FAAH2: variants seen among roughly 807,000 people sequenced by gnomAD.
The protein encoded by FAAH2 is fatty acid amide hydrolase 2, also known as fatty-acid amide hydrolase 2.
Under a neutral mutation model 36.9 loss-of-function variants are expected in FAAH2, and 60 were observed. That is an observed-to-expected ratio of 1.63 (90% CI 1.32 to 2.02). The LOEUF (loss-of-function observed/expected upper bound fraction) is 2.02, where lower values mean the gene tolerates loss of function less well. Ranked by LOEUF, FAAH2 falls within the 30% of genes most tolerant of loss-of-function variation. The probability of loss-of-function intolerance (pLI) is 0.00; values close to 1 mark genes in which losing one functional copy is unlikely to be tolerated. For synonymous variants in FAAH2, 214 were observed against 143.8 expected, an observed-to-expected ratio of 1.49 and a Z score of -3.49; for missense variants, 689 against 397.5, an observed-to-expected ratio of 1.73 and a Z score of -6.23.
chrX:57,362,078 T>C (rs1356235128), intron 5 of FAAH2, among the ~76,000 whole-genome samples: 3 of 111,583 alleles, frequency 2.7e-5, no homozygotes, highest in Non-Finnish European at 5.6e-5. Context: ...TCTTTGTTCT[T>C]GACCCTAGAG....
At chrX:57,214,610 G>A in the FAAH2 span, among the ~76,000 whole-genome samples, 1 of 110,652 alleles carries the variant, frequency 9.0e-6, no homozygotes, top group Non-Finnish European at 1.9e-5. Flanking sequence ...TGTATTTTTA[G>A]TAGAGACGGG....
At chrX:57,133,557 G>A in the FAAH2 span, among the ~76,000 whole-genome samples, 1 of 110,963 alleles carries the variant, frequency 9.0e-6, no homozygotes, top group African/African-American at 3.3e-5. Context: ...CCTACCTAAG[G>A]CCCAGCTGCA....
In FAAH2 at chrX:57,341,316, T is replaced by A. The variant is rs769621605; in HGVS notation, c.668T>A (p.Val223Glu). Residue 223 changes from valine to glutamate, a missense_variant, in exon 5 of 11, where the codon GTG becomes GAG. Coordinates refer to ENST00000374900, the MANE Select transcript of FAAH2 (RefSeq NM_174912.4). ...GCAGCTGCCTGCTCAGTTATTGGTG[T>A]GGGCTCTGATATTGGTGGTAGCATT... ...TLAAACSVIG[V>E]GSDIGGSIRM... 6.6e-6 allele frequency: 8 copies of A among 1,208,780 alleles called. No individual in the cohort carries two copies. The highest frequency in any genetic ancestry group is 2.3e-4 in the Middle Eastern group (1 of 4,365).
At chrX:57,387,461 A>T (rs1023509445) in intron 7 of FAAH2, among the ~76,000 whole-genome samples, 1 of 111,472 alleles carries the variant, frequency 9.0e-6, no homozygotes, top group African/African-American at 3.3e-5. Context: ...CAATAACCAG[A>T]TAAAAAGTAG....
the FAAH2 span, among the ~76,000 whole-genome samples, chrX:57,151,768 A>T: frequency 9.0e-5 from 10 of 111,540 alleles, no homozygotes; most frequent in African/African-American, 3.3e-4. Flanking sequence ...TGTCAAAGTC[A>T]TTCTCCGTCC....
At chrX:57,409,395 G>T (rs1248972080) in intron 7 of FAAH2, among the ~76,000 whole-genome samples, 18 of 111,251 alleles carry the variant, frequency 1.6e-4, no homozygotes, top group African/African-American at 5.8e-4. Context: ...TCAGGGTAAT[G>T]CTGGGCTTGT....
At chrX:57,460,068 C>G (rs1188377431) in intron 10 of FAAH2, among the ~76,000 whole-genome samples, 1 of 110,655 alleles carries the variant, frequency 9.0e-6, no homozygotes, top group Non-Finnish European at 1.9e-5. Flanking sequence ...GAAGTGTGTT[C>G]TAAACCAATG....
At chrX:57,331,143 G>A (rs1235615158) in intron 3 of FAAH2, among the ~76,000 whole-genome samples, 1 of 111,844 alleles carries the variant, frequency 8.9e-6, no homozygotes, top group Non-Finnish European at 1.9e-5. Flanking sequence ...AGATGTTCTG[G>A]CATCAAGTCT....
the FAAH2 span, among the ~76,000 whole-genome samples, chrX:57,128,195 A>G: frequency 4.5e-5 from 5 of 111,537 alleles, no homozygotes; most frequent in Admixed American, 9.6e-5. Flanking sequence ...CAATGTTGCC[A>G]TATTCTTCCT....
intron 1 of FAAH2, among the ~76,000 whole-genome samples, chrX:57,288,435 C>T (rs1261202443): frequency 1.9e-5 from 2 of 103,379 alleles, no homozygotes; most frequent in Non-Finnish European, 3.9e-5. Flanking sequence ...CTGCAAGCTC[C>T]GCCTCCCGGG....
At chrX:57,337,334 G>A (rs868053225) in intron 4 of FAAH2, among the ~76,000 whole-genome samples, 48 of 107,800 alleles carry the variant, frequency 4.5e-4, no homozygotes, top group African/African-American at 1.6e-3. Context: ...GGTACAAAGA[G>A]GAGCTGATAC....
chrX:57,134,759 T>C, the FAAH2 span: 1 of 111,728 alleles, frequency 9.0e-6, no homozygotes, highest in Non-Finnish European at 1.9e-5. Flanking sequence ...AGGACAAATG[T>C]GAGGAGGCAG....
chrX:57,300,313 A>G (rs151008828), intron 2 of FAAH2, among the ~76,000 whole-genome samples: 16,057 of 111,253 alleles, frequency 0.14, 1,181 homozygotes, highest in Non-Finnish European at 0.21. Flanking sequence ...CATATCTACA[A>G]CTATCTGATC....
At chrX:57,170,488 G>A in the FAAH2 span, among the ~76,000 whole-genome samples, 2 of 111,119 alleles carry the variant, frequency 1.8e-5, no homozygotes, top group African/African-American at 6.6e-5. Context: ...TTGGTTACAT[G>A]AATTACTTGT....
At chrX:57,130,518 A>G in the FAAH2 span, among the ~76,000 whole-genome samples, 31 of 112,439 alleles carry the variant, frequency 2.8e-4, no homozygotes, top group Non-Finnish European at 1.1e-4. Context: ...AAGCTCAGCT[A>G]TACATTTAAA....
upstream of FAAH2, among the ~76,000 whole-genome samples, chrX:57,283,338 G>A (rs1325105827): frequency 8.9e-6 from 1 of 111,841 alleles, no homozygotes; most frequent in African/African-American, 3.3e-5. Flanking sequence ...CAGGGGGTGA[G>A]GCAACTGTGC....
At chrX:57,351,023 A>G in intron 5 of FAAH2, among the ~76,000 whole-genome samples, 1 of 111,760 alleles carries the variant, frequency 8.9e-6, no homozygotes, top group Non-Finnish European at 1.9e-5. Context: ...CTTCCTGACA[A>G]CTGAAGAATA....
chrX:57,342,346 C>T (rs1483083775), intron 5 of FAAH2, among the ~76,000 whole-genome samples: 3 of 111,130 alleles, frequency 2.7e-5, no homozygotes, highest in African/African-American at 9.8e-5. Flanking sequence ...TAGAGGGGAA[C>T]AACAAACACT....
chrX:57,265,997 C>A, the FAAH2 span, among the ~76,000 whole-genome samples: 1 of 110,664 alleles, frequency 9.0e-6, no homozygotes, highest in African/African-American at 3.3e-5. Context: ...AGGGGTGGGC[C>A]GCCATCTTTG....
Sources: allele counts gnomAD v4.1 joint callset (sites outside exome capture counted in the v4.1 genomes callset), GRCh38; gene constraint gnomAD v4.1.1; transcripts MANE v1.5; gene names NCBI Gene and HGNC (gene_info 2026-07-23, HGNC 2026-07-21).